Variants in DOCK4 observed in about 807,000 individuals in gnomAD.
DOCK4 encodes the protein dedicator of cytokinesis protein 4.
DOCK4 carries 97 observed loss-of-function variants against 268.1 expected under a neutral mutation model. The ratio of observed to expected loss-of-function variants is 0.36; its 90% CI spans 0.31 to 0.43. The LOEUF is 0.43. Ranked by LOEUF, DOCK4 falls within the 20% of genes least tolerant of loss-of-function variation. DOCK4 has a pLI of 1.00. For missense variants in DOCK4, 2,145 were observed against 2,455.7 expected (o/e 0.87, Z 2.67); for synonymous variants, 954 against 887.2 (o/e 1.08, Z -1.34).
chr7:111,764,323 G>A (rs1306173496), intron 39 of DOCK4, among the ~76,000 whole-genome samples: 1 of 152,160 alleles, frequency 6.6e-6, no homozygotes, highest in Admixed American at 6.5e-5. Flanking sequence ...TCTGTCATAT[G>A]TGCTGACAGG....
intron 26 of DOCK4, among the ~76,000 whole-genome samples, chr7:111,824,035 C>A (rs930302037): frequency 6.6e-6 from 1 of 152,116 alleles, no homozygotes; most frequent in African/African-American, 2.4e-5. Context: ...ATGTAGTATG[C>A]GCCATGTGGA....
Position 112,043,311 on chromosome 7 carries a change from T to C in DOCK4, c.38-39180A>G, listed in dbSNP as rs183152552. Among the ~76,000 whole-genome samples, 337 of 152,284 alleles carry C rather than the reference T, an allele frequency of 2.2e-3. 5 individuals are homozygous for C. The highest frequency in any genetic ancestry group is 6.8e-3 in the Middle Eastern group (2 of 294). On this transcript the variant is annotated intron_variant, in intron 1 of 52. Transcript: ENST00000428084. Reference sequence around the variant, plus strand: ...AACCAATGTTACTCATAAATTATAATATTCAATTCATCTAGAACCTGCCAC... The same window carrying C: ...AACCAATGTTACTCATAAATTATAACATTCAATTCATCTAGAACCTGCCAC...
At chr7:112,040,185 G>A (rs188078826) in intron 1 of DOCK4, among the ~76,000 whole-genome samples, 2 of 152,218 alleles carry the variant, frequency 1.3e-5, no homozygotes, top group Admixed American at 1.3e-4. Context: ...AGATTCTCAA[G>A]CAGTAGAGAT....
At chr7:111,890,665 T>G (rs560736298) in intron 16 of DOCK4, among the ~76,000 whole-genome samples, 8 of 152,270 alleles carry the variant, frequency 5.3e-5, no homozygotes, top group African/African-American at 1.7e-4. Flanking sequence ...GACAAAGTAT[T>G]TACTATAACA....
intron 42 of DOCK4, among the ~76,000 whole-genome samples, chr7:111,749,169 T>A (rs571507049): frequency 6.6e-6 from 1 of 152,336 alleles, no homozygotes; most frequent in South Asian, 2.1e-4. Flanking sequence ...ATGTTCTGTT[T>A]CTTTACCTGA....
intron 1 of DOCK4, among the ~76,000 whole-genome samples, chr7:112,121,723 C>T (rs570607045): frequency 6.6e-6 from 1 of 152,238 alleles, no homozygotes; most frequent in Non-Finnish European, 1.5e-5. Flanking sequence ...GCTCATGGAC[C>T]AACATACAGA....
intron 12 of DOCK4, among the ~76,000 whole-genome samples, chr7:111,920,238 T>C (rs942693865): frequency 6.6e-6 from 1 of 152,098 alleles, no homozygotes; most frequent in Non-Finnish European, 1.5e-5. Flanking sequence ...CATAGTGAGG[T>C]GGTTAATAAT....
chr7:111,816,630 C>G (rs1801576393), intron 27 of DOCK4, among the ~76,000 whole-genome samples: 1 of 152,152 alleles, frequency 6.6e-6, no homozygotes, highest in Non-Finnish European at 1.5e-5. Flanking sequence ...AGGGCTGGAA[C>G]TTAGAGAACA....
intron 1 of DOCK4, among the ~76,000 whole-genome samples, chr7:112,164,950 T>G (rs1039081237): frequency 6.6e-6 from 1 of 152,182 alleles, no homozygotes; most frequent in African/African-American, 2.4e-5. Context: ...GAGTAAAAAT[T>G]TGTTATCTTT....
At position 111,788,669 on chromosome 7, in the gene DOCK4, T is replaced by A; in HGVS notation, c.3394A>T (p.Asn1132Tyr). 1 of 1,581,878 alleles carries A rather than the reference T, an allele frequency of 6.3e-7. No homozygotes were observed. The highest frequency in any genetic ancestry group is 8.6e-7 in the Non-Finnish European group (1 of 1,161,868). ...GATAAACATATTACTCACATACTGT[T>A]GAAGAGCTCGCGGTATGTTTCGTCA... ...KGDETYRELF[N>Y]SIIPLFGPYP... The change falls in exon 32 of 53, where the codon AAC becomes TAC. Residue 1132 changes from asparagine (N) to tyrosine (Y), a missense_variant. Physicochemically the swap from Asn to Tyr is moderately radical, Grantham distance 143. Around this residue, in one of 2 missense-constraint regions of DOCK4, gnomAD observed 1,598 missense variants for 1,986.7 expected, o/e 0.80. Coordinates refer to ENST00000428084, the MANE Select transcript of DOCK4 (RefSeq NM_001363540.2).
chr7:112,138,148 T>G (rs1814539333), intron 1 of DOCK4, among the ~76,000 whole-genome samples: 1 of 152,218 alleles, frequency 6.6e-6, no homozygotes, highest in Non-Finnish European at 1.5e-5. Flanking sequence ...CCTTCAAACC[T>G]CCTATTCTGT....
intron 1 of DOCK4, among the ~76,000 whole-genome samples, chr7:112,066,690 CATATATATATATAT>C (rs751631282): frequency 0.011 from 228 of 20,968 alleles, 3 homozygotes; most frequent in East Asian, 0.026. Context: ...TATACATATA[CATATATATATATAT>C]ATATATATAT....
intron 17 of DOCK4, among the ~76,000 whole-genome samples, chr7:111,876,018 A>T (rs1806834309): frequency 2.0e-5 from 3 of 152,202 alleles, no homozygotes; most frequent in Non-Finnish European, 4.4e-5. Context: ...TCTCAATAAG[A>T]GGTTGATTTT....
At chr7:111,729,716 CA>C (rs1794935670) in intron 52 of DOCK4, among the ~76,000 whole-genome samples, 1 of 152,142 alleles carries the variant, frequency 6.6e-6, no homozygotes, top group Non-Finnish European at 1.5e-5. Context: ...GGCCAGGAGC[CA>C]GGGCCGCTGA....
At chr7:111,995,644 T>A (rs959263238) in intron 4 of DOCK4, among the ~76,000 whole-genome samples, 4 of 152,198 alleles carry the variant, frequency 2.6e-5, no homozygotes, top group Non-Finnish European at 5.9e-5. Context: ...GGAAATTACT[T>A]CTTAGCATGA....
intron 1 of DOCK4, among the ~76,000 whole-genome samples, chr7:112,087,338 T>G (rs757212001): frequency 1.3e-5 from 2 of 152,120 alleles, no homozygotes; most frequent in African/African-American, 2.4e-5. Flanking sequence ...CAATATAACA[T>G]AAGGATTCCC....
At chr7:112,003,018 T>C (rs758203359) in intron 2 of DOCK4, among the ~76,000 whole-genome samples, 168 of 134,136 alleles carry the variant, frequency 1.3e-3, no homozygotes, top group Non-Finnish European at 2.1e-3. Flanking sequence ...GCCACTGAAC[T>C]CCAGCATGGG....
At position 111,970,486 on chromosome 7, in the gene DOCK4, T is replaced by C. The variant is rs1586532787; in HGVS notation, c.701+6646A>G. 3.3e-5 allele frequency among the ~76,000 whole-genome samples: 5 copies of C among 152,144 alleles called. No individual in the cohort carries two copies. The East Asian group carries it at 5.8e-4, about 18-fold the overall frequency. On this transcript the variant is annotated intron_variant, in intron 8 of 52. Coordinates refer to ENST00000428084, the MANE Select transcript of DOCK4 (RefSeq NM_001363540.2). ...TAATAAGCATTACATAAGTGTTAAA[T>C]GAATGTAATAAAATTACAGATGATT...
intron 12 of DOCK4, among the ~76,000 whole-genome samples, chr7:111,926,720 G>C (rs531389477): frequency 6.6e-6 from 1 of 151,470 alleles, no homozygotes; most frequent in Admixed American, 6.6e-5. Context: ...TGTAGTTCCA[G>C]CTATTCAGGA....
Sources: allele counts gnomAD v4.1 joint callset (sites outside exome capture counted in the v4.1 genomes callset), GRCh38; gene constraint gnomAD v4.1.1; regional missense constraint gnomAD v4.1.1; transcripts MANE v1.5; gene names NCBI Gene and HGNC (gene_info 2026-07-23, HGNC 2026-07-21).